LRRTM4: variants seen among roughly 807,000 people sequenced by gnomAD.
The protein encoded by LRRTM4 is leucine rich repeat transmembrane neuronal 4.
LRRTM4 carries 25 observed loss-of-function variants against 47.6 expected under a neutral mutation model. The observed-to-expected ratio is 0.53, with a 90% CI of 0.38 to 0.73. The LOEUF (loss-of-function observed/expected upper bound fraction) is 0.73, where lower values mean the gene tolerates loss of function less well. Among genes scored for constraint, LRRTM4 ranks in the 30% least tolerant of loss-of-function variants. The pLI is 0.00. For missense variants in LRRTM4, 638 were observed against 713.4 expected (o/e 0.89, Z 1.20); for synonymous variants, 311 against 269.5 (o/e 1.15, Z -1.51).
intron 3 of LRRTM4, among the ~76,000 whole-genome samples, chr2:77,252,973 T>A (rs941633972): frequency 6.6e-6 from 1 of 152,090 alleles, no homozygotes; most frequent in Non-Finnish European, 1.5e-5. Flanking sequence ...TTTAAATCTA[T>A]GTAAAATTGC....
intron 3 of LRRTM4, among the ~76,000 whole-genome samples, chr2:77,426,878 A>C (rs1675130749): frequency 6.6e-6 from 1 of 151,832 alleles, no homozygotes; most frequent in Admixed American, 6.6e-5. Flanking sequence ...AAGAGAGATA[A>C]AGAAATCTCT....
intron 3 of LRRTM4, among the ~76,000 whole-genome samples, chr2:77,233,673 C>T (rs1415344646): frequency 1.3e-5 from 2 of 152,102 alleles, no homozygotes; most frequent in African/African-American, 4.8e-5. Flanking sequence ...CAATGGAAAA[C>T]ATTCTATTTA....
intron 3 of LRRTM4, among the ~76,000 whole-genome samples, chr2:77,343,666 C>A (rs1312360578): frequency 1.3e-5 from 2 of 151,844 alleles, no homozygotes; most frequent in Non-Finnish European, 2.9e-5. Context: ...TTTATTCATT[C>A]ATTAAGTACT....
At chr2:76,865,155 A>C (rs1672430532) in intron 3 of LRRTM4, among the ~76,000 whole-genome samples, 1 of 152,162 alleles carries the variant, frequency 6.6e-6, no homozygotes, top group Admixed American at 6.6e-5. Flanking sequence ...TGTTTTAAGA[A>C]GTCATTTATC....
In LRRTM4 at chr2:77,431,224, C is replaced by A. The variant is rs529605391; in HGVS notation, c.1551+87094G>T. 1.1e-4 allele frequency among the ~76,000 whole-genome samples: 17 copies of A among 149,036 alleles called. 3 individuals are homozygous for A. The highest frequency in any genetic ancestry group is 4.4e-4 in the African/African-American group (17 of 38,512). On this transcript the variant is annotated intron_variant, in intron 3 of 3. Coordinates refer to ENST00000409884, the MANE Select transcript of LRRTM4 (RefSeq NM_001134745.3). ...CTTTCGATTTTGTCTTTCTATAGAA[C>A]CCTGACTAATATAGAAATAAACTTC... is the stretch of plus-strand genomic sequence containing the variant.
intron 3 of LRRTM4, among the ~76,000 whole-genome samples, chr2:77,168,345 C>T (rs991318269): frequency 6.6e-6 from 1 of 151,822 alleles, no homozygotes; most frequent in African/African-American, 2.4e-5. Context: ...TTCCTGTGTG[C>T]TGTGTCTCTC....
intron 3 of LRRTM4, among the ~76,000 whole-genome samples, chr2:76,987,797 C>T (rs1267773746): frequency 6.6e-6 from 1 of 151,640 alleles, no homozygotes; most frequent in African/African-American, 2.4e-5. Context: ...ACTTTGGAGG[C>T]CTGAAAAAGA....
intron 3 of LRRTM4, among the ~76,000 whole-genome samples, chr2:77,472,692 A>G (rs567817912): frequency 1.3e-5 from 2 of 152,292 alleles, no homozygotes; most frequent in East Asian, 3.9e-4. Context: ...TCTACATTAA[A>G]GAAGCATATA....
intron 3 of LRRTM4, among the ~76,000 whole-genome samples, chr2:77,373,568 T>G (rs576591650): frequency 6.6e-6 from 1 of 151,860 alleles, no homozygotes; most frequent in African/African-American, 2.4e-5. Context: ...GAAAGTTTTT[T>G]GGAACCCTAC....
intron 3 of LRRTM4, among the ~76,000 whole-genome samples, chr2:77,414,947 AT>A (rs1674581355): frequency 6.6e-6 from 1 of 152,306 alleles, no homozygotes; most frequent in Middle Eastern, 3.4e-3. Flanking sequence ...ATTTCCACAC[AT>A]AATACAAAGA....
At chr2:76,961,742 A>G (rs896621012) in intron 3 of LRRTM4, among the ~76,000 whole-genome samples, 1 of 151,296 alleles carries the variant, frequency 6.6e-6, no homozygotes, top group African/African-American at 2.4e-5. Flanking sequence ...CCAAATTAGG[A>G]CAAAAATCTA....
chr2:77,017,804 CT>C (rs774142986), intron 3 of LRRTM4, among the ~76,000 whole-genome samples: 1 of 150,984 alleles, frequency 6.6e-6, no homozygotes, highest in Non-Finnish European at 1.5e-5. Context: ...ATTAATTTAG[CT>C]TTTTTATAAA....
chr2:76,962,465 G>C (rs1019310695), intron 3 of LRRTM4, among the ~76,000 whole-genome samples: 2 of 150,756 alleles, frequency 1.3e-5, no homozygotes, highest in African/African-American at 4.8e-5. Flanking sequence ...AGAAGAGAGA[G>C]AGGTATATGA....
chr2:77,467,490 C>T (rs570160964), intron 3 of LRRTM4, among the ~76,000 whole-genome samples: 3 of 152,246 alleles, frequency 2.0e-5, no homozygotes, highest in South Asian at 4.1e-4. Context: ...CTTCAGATGG[C>T]CCAATAGTAC....
At chr2:77,435,516 G>T (rs112089266) in intron 3 of LRRTM4, among the ~76,000 whole-genome samples, 9 of 151,984 alleles carry the variant, frequency 5.9e-5, no homozygotes, top group African/African-American at 2.2e-4. Flanking sequence ...TGATTATAAT[G>T]ATAACATTAA....
intron 3 of LRRTM4, among the ~76,000 whole-genome samples, chr2:76,945,335 G>A (rs1415717449): frequency 6.6e-6 from 1 of 151,992 alleles, no homozygotes; most frequent in East Asian, 1.9e-4. Flanking sequence ...CGGTCTCAGA[G>A]TAACAACTTT....
At chr2:77,398,410 C>T (rs1673790038) in intron 3 of LRRTM4, among the ~76,000 whole-genome samples, 1 of 151,836 alleles carries the variant, frequency 6.6e-6, no homozygotes, top group Non-Finnish European at 1.5e-5. Context: ...TCAGAGGAGT[C>T]TGAGCTGCAT....
chr2:77,199,626 C>A (rs1673921052), intron 3 of LRRTM4, among the ~76,000 whole-genome samples: 1 of 152,194 alleles, frequency 6.6e-6, no homozygotes, highest in East Asian at 1.9e-4. Context: ...TTTTAAATTG[C>A]AAACATTTAG....
chr2:77,055,324 C>T (rs1679566456), intron 3 of LRRTM4, among the ~76,000 whole-genome samples: 1 of 152,188 alleles, frequency 6.6e-6, no homozygotes, highest in African/African-American at 2.4e-5. Context: ...TAGAAATCAG[C>T]CTTGCTCTTT....
Sources: gnomAD v4.1 joint callset for allele counts (sites outside exome capture counted in the v4.1 genomes callset) on GRCh38, gnomAD v4.1.1 for gene constraint, MANE v1.5 for transcripts, NCBI Gene and HGNC (gene_info 2026-07-23, HGNC 2026-07-21) for gene names.